The following RHOJ variants were observed in gnomAD, a reference collection of about 807,000 sequenced individuals.
RHOJ encodes the protein ras homolog family member J, also known as rho-related GTP-binding protein RhoJ.
Under a neutral mutation model 23.4 loss-of-function variants are expected in RHOJ, and 11 were observed. That is an observed-to-expected ratio of 0.47 (90% confidence interval 0.30 to 0.78). The LOEUF (loss-of-function observed/expected upper bound fraction) is 0.78. RHOJ is among the 30% of genes least tolerant of loss of function. The probability of loss-of-function intolerance (pLI) is 0.08; values close to 1 mark genes in which losing one functional copy is unlikely to be tolerated. For missense variants in RHOJ, 254 were observed against 273.4 expected, an observed-to-expected ratio of 0.93 and a Z score of 0.50; for synonymous variants, 102 against 102.7, an observed-to-expected ratio of 0.99 and a Z score of 0.04.
chr14:63,253,235 T>C (rs562415130), intron 1 of RHOJ, among the ~76,000 whole-genome samples: 1 of 152,168 alleles, frequency 6.6e-6, no homozygotes, highest in Admixed American at 6.5e-5. Context: ...CTGCTAAAAG[T>C]ACACTTCCCT....
intron 4 of RHOJ, chr14:63,284,151 T>A: frequency 1.1e-6 from 1 of 876,940 alleles, no homozygotes; most frequent in South Asian, 5.3e-5. Flanking sequence ...GAATATTAAC[T>A]ACAAATTCTT....
intron 1 of RHOJ, among the ~76,000 whole-genome samples, chr14:63,221,745 T>C (rs1037474372): frequency 7.9e-5 from 12 of 152,148 alleles, no homozygotes; most frequent in Admixed American, 4.6e-4. Context: ...GATTTCGGTG[T>C]GAGTGGATTC....
chr14:63,207,039 T>TC (rs1023259516), intron 1 of RHOJ, among the ~76,000 whole-genome samples: 3 of 151,220 alleles, frequency 2.0e-5, no homozygotes, highest in Non-Finnish European at 3.0e-5. Flanking sequence ...TCTTTTCTTT[T>TC]TTTTTTTTTT....
chr14:63,256,506 A>G (rs529321462), intron 1 of RHOJ, among the ~76,000 whole-genome samples: 4 of 152,306 alleles, frequency 2.6e-5, no homozygotes, highest in African/African-American at 9.6e-5. Flanking sequence ...GGTAGTCAGT[A>G]TGCTACTGCA....
At chr14:63,272,931 G>C (rs1895498097) in intron 2 of RHOJ, among the ~76,000 whole-genome samples, 1 of 152,206 alleles carries the variant, frequency 6.6e-6, no homozygotes, top group African/African-American at 2.4e-5. Context: ...GCTGAGGCAG[G>C]AGAATCCCTT....
intron 1 of RHOJ, among the ~76,000 whole-genome samples, chr14:63,267,055 T>C (rs1271909301): frequency 6.6e-6 from 1 of 152,188 alleles, no homozygotes; most frequent in African/African-American, 2.4e-5. Flanking sequence ...CCATGCTCCA[T>C]GGCAGGAAGA....
At chr14:63,247,160 C>T (rs1056886575) in intron 1 of RHOJ, among the ~76,000 whole-genome samples, 7 of 152,128 alleles carry the variant, frequency 4.6e-5, no homozygotes, top group Admixed American at 4.6e-4. Context: ...AGAGCAAAGA[C>T]TAAGAAAAAG....
chr14:63,220,450 T>TA (rs200905763), intron 1 of RHOJ, among the ~76,000 whole-genome samples: 19,936 of 136,710 alleles, frequency 0.15, 1,528 homozygotes, highest in East Asian at 0.34. Context: ...ACTTAAAAGT[T>TA]AAAAAAAAAA....
chr14:63,259,377 A>G (rs924418701), intron 1 of RHOJ, among the ~76,000 whole-genome samples: 26 of 152,224 alleles, frequency 1.7e-4, no homozygotes, highest in Admixed American at 1.6e-3. Flanking sequence ...GTGACAACGC[A>G]TAACATAGGT....
intron 1 of RHOJ, among the ~76,000 whole-genome samples, chr14:63,219,787 G>A (rs1353381845): frequency 6.7e-6 from 1 of 148,438 alleles, no homozygotes; most frequent in African/African-American, 2.5e-5. Flanking sequence ...CTGCACTCCA[G>A]CCTGGTGACA....
At chr14:63,241,152 G>A (rs1310229336) in intron 1 of RHOJ, among the ~76,000 whole-genome samples, 4 of 152,340 alleles carry the variant, frequency 2.6e-5, no homozygotes, top group Admixed American at 1.3e-4. Context: ...GTGCAGTGGA[G>A]GCCACGCCAT....
At chr14:63,241,400 G>A (rs1389942384) in intron 1 of RHOJ, among the ~76,000 whole-genome samples, 9 of 152,098 alleles carry the variant, frequency 5.9e-5, no homozygotes, top group Non-Finnish European at 1.3e-4. Context: ...CAACTTGCCA[G>A]TTTTATTTTT....
intron 1 of RHOJ, among the ~76,000 whole-genome samples, chr14:63,209,637 T>C (rs986326772): frequency 1.3e-5 from 2 of 152,204 alleles, no homozygotes; most frequent in Non-Finnish European, 2.9e-5. Context: ...GTATTTGCTA[T>C]CTCCAGCTTC....
At chr14:63,271,444 C>T (rs1424725783) in intron 2 of RHOJ, among the ~76,000 whole-genome samples, 1 of 152,156 alleles carries the variant, frequency 6.6e-6, no homozygotes, top group African/African-American at 2.4e-5. Context: ...ACTTGTAATT[C>T]ATTTTCTAGA....
At chr14:63,277,248 T>C (rs961492431) in intron 2 of RHOJ, among the ~76,000 whole-genome samples, 1 of 152,200 alleles carries the variant, frequency 6.6e-6, no homozygotes, top group Non-Finnish European at 1.5e-5. Context: ...GATGGTACCA[T>C]CCTTCCAGTT....
intron 1 of RHOJ, among the ~76,000 whole-genome samples, chr14:63,268,687 C>A (rs1195374872): frequency 6.6e-6 from 1 of 152,036 alleles, no homozygotes; most frequent in Non-Finnish European, 1.5e-5. Context: ...CAAATACAAG[C>A]AGAGAGATTT....
chr14:63,244,079 T>A (rs1455688967), intron 1 of RHOJ, among the ~76,000 whole-genome samples: 1 of 152,224 alleles, frequency 6.6e-6, no homozygotes, highest in African/African-American at 2.4e-5. Flanking sequence ...TTACTTCTCA[T>A]CTTCAGTCTT....
At position 63,257,474 on chromosome 14, in the gene RHOJ, A is replaced by C. The variant is rs1283569948; in HGVS notation, c.179-11636A>C. On this transcript the variant is annotated intron_variant, in intron 1 of 4. Transcript: ENST00000316754. ...GAGAGAGGCCACAGGTCAGAAAGTTATCTGAGCAACGAGGTCAGGTTAGGG... is the reference window on the plus strand; with the variant it reads ...GAGAGAGGCCACAGGTCAGAAAGTTCTCTGAGCAACGAGGTCAGGTTAGGG... Among the ~76,000 whole-genome samples, 3 of 150,066 alleles carry C rather than the reference A, an allele frequency of 2.0e-5. 1 individual carries two copies. Among genetic ancestry groups the C allele is most frequent in the African/African-American group, 7.4e-5 (3 of 40,654 alleles).
At chr14:63,235,208 CAA>C (rs749310199) in intron 1 of RHOJ, among the ~76,000 whole-genome samples, 6 of 129,454 alleles carry the variant, frequency 4.6e-5, no homozygotes, top group Admixed American at 7.8e-5. Context: ...TCCTGGACTC[CAA>C]AAAAAAAAAG....
Sources: allele counts gnomAD v4.1 joint callset (sites outside exome capture counted in the v4.1 genomes callset), GRCh38; gene constraint gnomAD v4.1.1; transcripts MANE v1.5; gene names NCBI Gene and HGNC (gene_info 2026-07-23, HGNC 2026-07-21).